Variants in BAIAP2 observed in about 807,000 individuals in gnomAD.
BAIAP2 encodes the protein BAR/IMD domain containing adaptor protein 2.
In BAIAP2, 18 loss-of-function variants were observed where a neutral mutation model predicts 63.0. The ratio of observed to expected loss-of-function variants is 0.29; its 90% CI spans 0.20 to 0.42. The LOEUF (loss-of-function observed/expected upper bound fraction) is 0.42, where lower values mean the gene tolerates loss of function less well. Ranked by LOEUF, BAIAP2 falls within the 10% of genes least tolerant of loss-of-function variation. The probability of loss-of-function intolerance (pLI) is 1.00; values close to 1 mark genes in which losing one functional copy is unlikely to be tolerated. For missense variants in BAIAP2, 610 were observed against 734.3 expected (o/e 0.83, Z 1.96); for synonymous variants, 386 against 307.6 (o/e 1.25, Z -2.67).
chr17:81,093,427 G>GGT (rs1372164451), intron 6 of BAIAP2, among the ~76,000 whole-genome samples: 1 of 152,156 alleles, frequency 6.6e-6, no homozygotes, highest in African/African-American at 2.4e-5. Context: ...GTTTCTGCTG[G>GGT]GTTACCTTCC....
intron 10 of BAIAP2, chr17:81,104,946 C>A: frequency 2.1e-6 from 1 of 470,294 alleles, no homozygotes; most frequent in South Asian, 2.5e-5. Flanking sequence ...CTGCAGGGGT[C>A]TTCCCCTACA....
At position 81,103,956 on chromosome 17, in the gene BAIAP2, C is replaced by T. The variant is rs751490909; in HGVS notation, c.914C>T (p.Pro305Leu). Reference protein sequence around the residue: ...STPIMNGVTGPDGEDYSPWAD... With the variant: ...STPIMNGVTGLDGEDYSPWAD... ...CCCATCATGAACGGCGTCACAGGCC[C>T]GGATGGCGAGGACTACAGCCCGTGG... is the stretch of plus-strand genomic sequence containing the variant. The change falls in exon 9 of 14, where the codon CCG becomes CTG. Residue 305 changes from proline (P) to leucine (L), a missense_variant. Pro to Leu is a moderately conservative substitution (Grantham distance 98). Around this residue, in one of 5 missense-constraint regions of BAIAP2, gnomAD observed 389 missense variants for 455.6 expected, o/e 0.85. Coordinates refer to ENST00000428708, the MANE Select transcript of BAIAP2 (RefSeq NM_001144888.2). 1.2e-5 allele frequency: 20 copies of T among 1,612,936 alleles called. No individual in the cohort carries two copies. In the East Asian group the frequency reaches 2.2e-4, roughly 18 times the overall value.
chr17:81,057,969 T>TGGGGGGGGGG lies in BAIAP2; in HGVS notation c.217+3_217+4insGGGGGGGGGG. On this transcript the variant is annotated splice_region_variant and intron_variant, in intron 3 of 13. Coordinates refer to ENST00000428708, the MANE Select transcript of BAIAP2 (RefSeq NM_001144888.2). ...AGAGCCAGGGCTCCAAAGAACTCGG[T>TGGGGGGGGGG]GAGACCCCCCCCCCCCCCCCGCCTG... is the stretch of plus-strand genomic sequence containing the variant. The TGGGGGGGGGG allele has an allele frequency of 6.2e-6, 6 of 964,842 alleles. No homozygotes were observed. Among genetic ancestry groups the TGGGGGGGGGG allele is most frequent in the African/African-American group, 5.3e-5 (2 of 37,676 alleles). The allele number at this position is 964,842 out of a possible 1,614,324, so 59.8% of individuals were successfully genotyped here.
Position 81,069,191 on chromosome 17 carries a change from G to A in BAIAP2, c.217+11224G>A, listed in dbSNP as rs551694596. Among the ~76,000 whole-genome samples, 3 of 152,206 alleles carry A rather than the reference G, an allele frequency of 2.0e-5. No individual in the cohort carries two copies. In the South Asian group the frequency reaches 6.2e-4, roughly 32 times the overall value. ...ACGGGCATTCGTGACGGTCTCCTAG[G>A]TACAGTTTATACATTGGAAGCATTT... On this transcript the variant is annotated intron_variant, in intron 3 of 13. Transcript: ENST00000428708.
Position 81,060,395 on chromosome 17 carries a change from G to C in BAIAP2, c.217+2428G>C, listed in dbSNP as rs76634774. Among the ~76,000 whole-genome samples, 19 of 152,294 alleles carry C rather than the reference G, an allele frequency of 1.2e-4. No individual in the cohort carries two copies. In the East Asian group the frequency reaches 2.9e-3, roughly 23 times the overall value. ...CCCTGGCAGCCACACCACTGTGTCTGTCTCTCCGGACTGGCCCATTCTAGA... is the reference window on the plus strand; with the variant it reads ...CCCTGGCAGCCACACCACTGTGTCTCTCTCTCCGGACTGGCCCATTCTAGA... On this transcript the variant is annotated intron_variant, in intron 3 of 13. Coordinates refer to ENST00000428708, the MANE Select transcript of BAIAP2 (RefSeq NM_001144888.2).
In BAIAP2 at chr17:81,055,574, G is replaced by GTTTTTTGTTTTTTTTTTTTT. The variant is rs370775327; in HGVS notation, c.130+1837_130+1838insGTTTTTTTTTTTTTTTTTTT. 4.9e-5 allele frequency among the ~76,000 whole-genome samples: 6 copies of GTTTTTTGTTTTTTTTTTTTT among 123,406 alleles called. 1 individual carries two copies. The East Asian group carries it at 1.1e-3, about 22-fold the overall frequency. The allele number at this position is 123,406 out of a possible 152,430, so 81.0% of individuals were successfully genotyped here. A position where few individuals can be genotyped will look rare whatever the true frequency, so the allele number is the denominator to read the frequency against. ...CCAGCGAAAGTCTGCAGGGTGTTTT[G>GTTTTTTGTTTTTTTTTTTTT]TTTTTTTTTGAGACGGAGTCTCACT... is the stretch of plus-strand genomic sequence containing the variant. On this transcript the variant is annotated intron_variant, in intron 2 of 13. Transcript: ENST00000428708.
intron 6 of BAIAP2, among the ~76,000 whole-genome samples, chr17:81,096,953 AGAGGAGGAGAAGAAGGAGAAAGGAGAG>A (rs1568162149): frequency 2.6e-5 from 4 of 152,134 alleles, no homozygotes; most frequent in African/African-American, 4.8e-5. Flanking sequence ...AGGAGAAAGT[AGAGGAGGAGAAGAAGGAGAAAGGAGAG>A]GAGGAGGAGG....
chr17:81,078,837 G>C (rs1467184981), intron 3 of BAIAP2, among the ~76,000 whole-genome samples: 2 of 152,102 alleles, frequency 1.3e-5, no homozygotes, highest in Admixed American at 6.5e-5. Flanking sequence ...AGCTCTCAGG[G>C]CTCCTGAGTT....
At position 81,053,608 on chromosome 17, in the gene BAIAP2, C is replaced by T. The variant is rs562893328; in HGVS notation, c.55-60C>T. The T allele has an allele frequency of 3.8e-6, 6 of 1,593,196 alleles. No individual in the cohort carries two copies. The African/African-American group carries it at 5.4e-5, about 14-fold the overall frequency. On this transcript the variant is annotated intron_variant, in intron 1 of 13. Transcript: ENST00000428708. Reference sequence around the variant, plus strand: ...GGGTTTTCTCCTCTGTGTTCGGACCCTTCGGAGTCACCAGGGTGACCTCTG... The same window carrying T: ...GGGTTTTCTCCTCTGTGTTCGGACCTTTCGGAGTCACCAGGGTGACCTCTG...
intron 11 of BAIAP2, among the ~76,000 whole-genome samples, 193 bp downstream of exon 11, chr17:81,106,339 G>A (rs1378931521): frequency 2.0e-5 from 3 of 152,200 alleles, no homozygotes; most frequent in Non-Finnish European, 4.4e-5. Context: ...GCCCTGTGCA[G>A]TGGGGCCCGA....
chr17:81,048,333 G>C (rs2048132542), intron 1 of BAIAP2, among the ~76,000 whole-genome samples: 1 of 143,392 alleles, frequency 7.0e-6, no homozygotes, highest in Non-Finnish European at 1.5e-5. Context: ...CTCCAGCCTG[G>C]GCGACAGAGC....
chr17:81,115,474 CGCCCCACCCCGCCCTGCCCTGCCCA>C (rs771839244), intron 13 of BAIAP2, among the ~76,000 whole-genome samples: 9 of 149,580 alleles, frequency 6.0e-5, no homozygotes, highest in Admixed American at 5.9e-4. Flanking sequence ...TGGCCTGCCC[CGCCCCACCCCGCCCTGCCCTGCCCA>C]GCCCACACTG....
intron 6 of BAIAP2, among the ~76,000 whole-genome samples, chr17:81,094,857 A>G (rs1179288898): frequency 3.3e-5 from 5 of 152,230 alleles, no homozygotes; most frequent in African/African-American, 9.6e-5. Flanking sequence ...TGACAGCTGA[A>G]GGCCAAGAAT....
At chr17:81,074,587 G>A (rs751049581) in intron 3 of BAIAP2, among the ~76,000 whole-genome samples, 1 of 151,786 alleles carries the variant, frequency 6.6e-6, no homozygotes, top group Non-Finnish European at 1.5e-5. Flanking sequence ...GGATGTGTGA[G>A]TGCCTGTGTG....
intron 13 of BAIAP2, chr17:81,110,850 C>T (rs1464949724): frequency 2.5e-6 from 4 of 1,603,862 alleles, no homozygotes; most frequent in African/African-American, 1.3e-5. Context: ...GGTCCCCCCT[C>T]CTCTGCACCC....
rs752763942 is a variant in BAIAP2 at position 81,115,823 on chromosome 17, C to T, written c.1589C>T (p.Ala530Val). 5.6e-6 allele frequency: 9 copies of T among 1,613,248 alleles called. No homozygotes were observed. The highest frequency in any genetic ancestry group is 3.3e-5 in the South Asian group (3 of 91,074). ...CCGACAGTGACCAACGACAGGTCTG[C>T]CCCCCTCCTCAGCTGATGGCCACAT... ...LKPTVTNDRS[A>V]PLLS The change falls in exon 14 of 14, where the codon GCC (alanine) becomes GTC (valine). Residue 530 changes from alanine (A) to valine (V), a missense_variant. Physicochemically the swap from Ala to Val is moderately conservative, Grantham distance 64. Transcript: ENST00000428708.
intron 1 of BAIAP2, among the ~76,000 whole-genome samples, chr17:81,044,545 G>A (rs1310710904): frequency 6.6e-6 from 1 of 152,212 alleles, no homozygotes; most frequent in Non-Finnish European, 1.5e-5. Context: ...AAACACAGTT[G>A]CACTGCGCGA....
At chr17:81,076,414 T>C (rs1598654809) in intron 3 of BAIAP2, 2 of 152,208 alleles carry the variant, frequency 1.3e-5, no homozygotes, top group African/African-American at 4.8e-5. Flanking sequence ...TCAAGGGTGC[T>C]GGCAGCCGGT....
intron 1 of BAIAP2, among the ~76,000 whole-genome samples, chr17:81,036,656 G>C (rs939724328): frequency 6.6e-6 from 1 of 152,344 alleles, no homozygotes; most frequent in East Asian, 1.9e-4. Flanking sequence ...CTAAAGCCAC[G>C]TCGGAGCCAC....
Sources: allele counts gnomAD v4.1 joint callset (sites outside exome capture counted in the v4.1 genomes callset), GRCh38; gene constraint gnomAD v4.1.1; regional missense constraint gnomAD v4.1.1; transcripts MANE v1.5; gene names NCBI Gene and HGNC (gene_info 2026-07-23, HGNC 2026-07-21).